The following ZMAT4 variants were observed in gnomAD, a reference collection of about 807,000 sequenced individuals.
ZMAT4 encodes zinc finger matrin-type protein 4.
A neutral mutation model predicts 28.7 loss-of-function variants in ZMAT4; 17 were observed. The ratio of observed to expected loss-of-function variants is 0.59; its 90% CI spans 0.41 to 0.89. The LOEUF is 0.89. ZMAT4 is among the 40% of genes least tolerant of loss of function. The pLI, the probability that ZMAT4 is intolerant of heterozygous loss-of-function variation, is 0.00. For missense variants in ZMAT4, 240 were observed against 283.8 expected, an observed-to-expected ratio of 0.85 and a Z score of 1.11; for synonymous variants, 117 against 109.2, an observed-to-expected ratio of 1.07 and a Z score of -0.44.
chr8:40,594,244 T>A (rs1212562655), intron 5 of ZMAT4, among the ~76,000 whole-genome samples: 1 of 152,206 alleles, frequency 6.6e-6, no homozygotes, highest in African/African-American at 2.4e-5. Context: ...AGTGGCCTTA[T>A]CTATTTATAG....
At chr8:40,803,526 TAA>T (rs1020651347) in intron 2 of ZMAT4, among the ~76,000 whole-genome samples, 47 of 151,958 alleles carry the variant, frequency 3.1e-4, no homozygotes, top group South Asian at 4.2e-4. Context: ...AACTGCAAAT[TAA>T]AATAACAATG....
At chr8:40,681,472 G>T (rs1809163171) in intron 4 of ZMAT4, among the ~76,000 whole-genome samples, 1 of 152,182 alleles carries the variant, frequency 6.6e-6, no homozygotes, top group South Asian at 2.1e-4. Flanking sequence ...AGTAAAGTTA[G>T]ATTAGATCAT....
chr8:40,556,721 G>T (rs921025321), intron 6 of ZMAT4, among the ~76,000 whole-genome samples: 1 of 152,064 alleles, frequency 6.6e-6, no homozygotes, highest in African/African-American at 2.4e-5. Flanking sequence ...AATATTTTAC[G>T]TATCTATGGG....
At chr8:40,653,918 C>T (rs956626883) in intron 5 of ZMAT4, among the ~76,000 whole-genome samples, 14 of 152,172 alleles carry the variant, frequency 9.2e-5, no homozygotes, top group African/African-American at 3.1e-4. Context: ...CTATAAGTTG[C>T]TGTCATATAA....
chr8:40,761,499 TG>T (rs1375312324), intron 3 of ZMAT4, among the ~76,000 whole-genome samples: 2 of 152,044 alleles, frequency 1.3e-5, no homozygotes, highest in African/African-American at 4.8e-5. Flanking sequence ...GGGAAGCCAT[TG>T]TTAAGCACTC....
chr8:40,809,072 C>T (rs868630993), intron 2 of ZMAT4, among the ~76,000 whole-genome samples: 5 of 152,182 alleles, frequency 3.3e-5, no homozygotes, highest in Admixed American at 2.6e-4. Context: ...AAGTACCCAT[C>T]AATGGTGCAT....
intron 2 of ZMAT4, among the ~76,000 whole-genome samples, chr8:40,790,650 G>A (rs1814285237): frequency 6.6e-6 from 1 of 152,032 alleles, no homozygotes; most frequent in African/African-American, 2.4e-5. Flanking sequence ...CAAAAAAATT[G>A]AGAGATATAT....
Position 40,573,444 on chromosome 8 carries a change from G to A in ZMAT4, c.674+7721C>T, listed in dbSNP as rs181351127. Reference sequence around the variant, plus strand: ...CAATTTCTGCCTTCATCTGCACTTAGCCTTCTTCTCTGTGTATCCAAATCT... The same window carrying A: ...CAATTTCTGCCTTCATCTGCACTTAACCTTCTTCTCTGTGTATCCAAATCT... On this transcript the variant is annotated intron_variant, in intron 6 of 6. Coordinates refer to ENST00000297737, the MANE Select transcript of ZMAT4 (RefSeq NM_024645.3). Among the ~76,000 whole-genome samples the A allele has an allele frequency of 8.1e-4, 124 of 152,194 alleles. 1 individual carries two copies. Among genetic ancestry groups the A allele is most frequent in the Non-Finnish European group, 7.9e-4 (54 of 67,990 alleles).
intron 5 of ZMAT4, among the ~76,000 whole-genome samples, chr8:40,673,204 A>G (rs955218308): frequency 6.6e-6 from 1 of 152,108 alleles, no homozygotes; most frequent in East Asian, 1.9e-4. Context: ...CACCTTCTAA[A>G]ATGCCACCCA....
intron 2 of ZMAT4, among the ~76,000 whole-genome samples, chr8:40,811,779 A>G (rs1815327628): frequency 6.6e-6 from 1 of 152,208 alleles, no homozygotes; most frequent in Admixed American, 6.5e-5. Context: ...CATACTGCCA[A>G]ATGAATAGCA....
At chr8:40,587,338 T>C (rs918872420) in intron 5 of ZMAT4, among the ~76,000 whole-genome samples, 1 of 151,804 alleles carries the variant, frequency 6.6e-6, no homozygotes, top group African/African-American at 2.4e-5. Flanking sequence ...AAAAGAAAAA[T>C]CTCAGAAATT....
At chr8:40,872,099 G>T (rs1466985361) in intron 1 of ZMAT4, among the ~76,000 whole-genome samples, 1 of 152,148 alleles carries the variant, frequency 6.6e-6, no homozygotes, top group African/African-American at 2.4e-5. Flanking sequence ...GAAGTGGGGA[G>T]CACCTTCCAG....
chr8:40,532,304 C>T, intron 6 of ZMAT4, 66 bp from the exon 7 acceptor site: 1 of 1,400,786 alleles, frequency 7.1e-7, no homozygotes, highest in Admixed American at 2.1e-5. Flanking sequence ...ACCTCTTTCT[C>T]CCCCCCACCC....
rs112032354 is a variant in ZMAT4, at chr8:40,713,545, G to A, written c.193-16144C>T. On this transcript the variant is annotated intron_variant, in intron 3 of 6. Coordinates refer to ENST00000297737, the MANE Select transcript of ZMAT4 (RefSeq NM_024645.3). ...GCTATATAAAGAACACTTGCAAAGC[G>A]TTAAAAGAAAGCTAGTTAACACCCC... Among the ~76,000 whole-genome samples, 1,420 of 152,030 alleles carry A rather than the reference G, an allele frequency of 9.3e-3. 21 individuals are homozygous for A. The highest frequency in any genetic ancestry group is 0.032 in the African/African-American group (1,345 of 41,466).
intron 3 of ZMAT4, among the ~76,000 whole-genome samples, chr8:40,725,883 C>T (rs1472032796): frequency 6.6e-6 from 1 of 152,234 alleles, no homozygotes; most frequent in African/African-American, 2.4e-5. Context: ...CTTTGTAAAA[C>T]TGATAATAGT....
At chr8:40,794,675 C>G (rs1814507785) in intron 2 of ZMAT4, among the ~76,000 whole-genome samples, 3 of 152,176 alleles carry the variant, frequency 2.0e-5, no homozygotes, top group Non-Finnish European at 4.4e-5. Context: ...GTGAGACACA[C>G]ACAGTCCCGC....
intron 2 of ZMAT4, among the ~76,000 whole-genome samples, chr8:40,813,541 C>T (rs770750423): frequency 2.0e-5 from 3 of 152,206 alleles, no homozygotes; most frequent in Admixed American, 6.5e-5. Flanking sequence ...GAAGCATGAA[C>T]CTTTCCATGA....
At chr8:40,754,792 C>T (rs979945004) in intron 3 of ZMAT4, among the ~76,000 whole-genome samples, 5 of 152,198 alleles carry the variant, frequency 3.3e-5, no homozygotes, top group South Asian at 2.1e-4. Context: ...CGGGAAGAAT[C>T]GTTTGAGGCC....
chr8:40,816,298 G>A (rs895372587), intron 2 of ZMAT4, among the ~76,000 whole-genome samples: 2 of 152,122 alleles, frequency 1.3e-5, no homozygotes, highest in African/African-American at 2.4e-5. Context: ...TCAGGGCAAC[G>A]TCAGAAGCCT....
Sources: gnomAD v4.1 joint callset for allele counts (sites outside exome capture counted in the v4.1 genomes callset) on GRCh38, gnomAD v4.1.1 for gene constraint, MANE v1.5 for transcripts, NCBI Gene and HGNC (gene_info 2026-07-23, HGNC 2026-07-21) for gene names.